The following ZNF385B variants were observed in gnomAD, a reference collection of about 807,000 sequenced individuals.
ZNF385B encodes the protein zinc finger protein 385B, also known as zinc finger protein 533.
ZNF385B carries 23 observed loss-of-function variants against 39.2 expected under a neutral mutation model. That is an observed-to-expected ratio of 0.59 (90% CI 0.42 to 0.83). The LOEUF is 0.83. Among genes scored for constraint, ZNF385B ranks in the 40% least tolerant of loss-of-function variants. The pLI is 0.00. For missense variants in ZNF385B, 552 were observed against 598.9 expected (o/e 0.92, Z 0.82); for synonymous variants, 205 against 222.6 (o/e 0.92, Z 0.70).
Position 179,795,552 on chromosome 2 carries a change from C to T in ZNF385B, c.-154-24880G>A, listed in dbSNP as rs143439903. Among the ~76,000 whole-genome samples the T allele has an allele frequency of 8.2e-4, 124 of 152,120 alleles. 1 individual carries two copies. The highest frequency in any genetic ancestry group is 2.8e-3 in the African/African-American group (117 of 41,512). ...TACAAAGAGATAGCCATAGCTTCTC[C>T]CTCATAAATTATAAATAATGTAAAG... is the stretch of plus-strand genomic sequence containing the variant. On this transcript the variant is annotated intron_variant, in intron 1 of 9. Transcript: ENST00000410066.
At chr2:179,726,702 T>G (rs1334058308) in intron 3 of ZNF385B, among the ~76,000 whole-genome samples, 1 of 152,018 alleles carries the variant, frequency 6.6e-6, no homozygotes, top group Non-Finnish European at 1.5e-5. Flanking sequence ...AGTCAAAAAA[T>G]TGTGGGCTAC....
chr2:179,824,046 A>C (rs1452758520), intron 1 of ZNF385B, among the ~76,000 whole-genome samples: 2 of 152,132 alleles, frequency 1.3e-5, no homozygotes, highest in Non-Finnish European at 2.9e-5. Context: ...TGAAGATCTT[A>C]GATGCTGTAT....
At position 179,443,451 on chromosome 2, in the gene ZNF385B, C is replaced by T. The variant is rs759737680; in HGVS notation, c.1260G>A (p.Gln420=). 1.2e-6 allele frequency: 2 copies of T among 1,603,128 alleles called. No individual in the cohort carries two copies. Among genetic ancestry groups the T allele is most frequent in the South Asian group, 2.2e-5 (2 of 89,250 alleles). Residue 420 remains glutamine (Q), a synonymous_variant, in exon 10 of 10, where the codon CAG becomes CAA. Transcript: ENST00000410066. ...GGGCCAAAGGCTTCATCATATCTTT[C>T]TGGAATGCAAGTTTTGCCTAAGGGA... ...PSILAAKLAF[Q]KDMMKPLAPA...
intron 3 of ZNF385B, among the ~76,000 whole-genome samples, chr2:179,569,599 G>A (rs1260922203): frequency 6.6e-6 from 1 of 152,174 alleles, no homozygotes; most frequent in African/African-American, 2.4e-5. Flanking sequence ...ATGTATTTGT[G>A]AGCATATTCC....
Position 179,478,790 on chromosome 2 carries a change from A to G in ZNF385B, c.715+4482T>C, listed in dbSNP as rs191378609. Among the ~76,000 whole-genome samples, 8 of 152,332 alleles carry G rather than the reference A, an allele frequency of 5.3e-5. No homozygotes were observed. The East Asian group carries it at 1.3e-3, about 26-fold the overall frequency. On this transcript the variant is annotated intron_variant, in intron 6 of 9. Coordinates refer to ENST00000410066, the MANE Select transcript of ZNF385B (RefSeq NM_152520.6). ...CATAACATTTTATTATTTTTAAGAA[A>G]CAGGATTTTTCTGGAGGCTCTGTAT...
chr2:179,796,105 T>C (rs563804667), intron 1 of ZNF385B: 1 of 152,274 alleles, frequency 6.6e-6, no homozygotes, highest in Non-Finnish European at 1.5e-5. Context: ...GAGCATGTAC[T>C]CTTATACCAA....
chr2:179,786,852 T>C (rs986659730), intron 1 of ZNF385B, among the ~76,000 whole-genome samples: 17 of 152,092 alleles, frequency 1.1e-4, no homozygotes, highest in African/African-American at 3.9e-4. Flanking sequence ...GCCAATTTGA[T>C]CTCTAGATTA....
intron 1 of ZNF385B, among the ~76,000 whole-genome samples, chr2:179,841,924 C>T (rs1708556161): frequency 6.6e-6 from 1 of 152,268 alleles, no homozygotes; most frequent in Middle Eastern, 3.4e-3. Context: ...CAAAATGACA[C>T]ACTCCCCACA....
At chr2:179,739,528 T>C (rs994308573) in intron 3 of ZNF385B, among the ~76,000 whole-genome samples, 4 of 152,214 alleles carry the variant, frequency 2.6e-5, no homozygotes, top group Admixed American at 2.6e-4. Flanking sequence ...CTATCGTGTT[T>C]TCAGGGTGTT....
At chr2:179,484,069 A>G (rs1001606270) in intron 5 of ZNF385B, among the ~76,000 whole-genome samples, 1 of 152,216 alleles carries the variant, frequency 6.6e-6, no homozygotes, top group Admixed American at 6.5e-5. Context: ...TGTGATTCTG[A>G]AGCCTAAGTT....
At chr2:179,611,831 C>G (rs2106134737) in intron 3 of ZNF385B, among the ~76,000 whole-genome samples, 1 of 152,076 alleles carries the variant, frequency 6.6e-6, no homozygotes, top group East Asian at 1.9e-4. Context: ...CTGATAGTAG[C>G]CTCTAATGAT....
chr2:179,600,839 C>A (rs1688354281), intron 3 of ZNF385B, among the ~76,000 whole-genome samples: 1 of 152,030 alleles, frequency 6.6e-6, no homozygotes, highest in African/African-American at 2.4e-5. Context: ...AAAGAAAGTT[C>A]CCAGAATTAT....
intron 1 of ZNF385B, among the ~76,000 whole-genome samples, chr2:179,818,165 A>T (rs772799201): frequency 3.9e-5 from 6 of 152,122 alleles, no homozygotes; most frequent in Non-Finnish European, 7.4e-5. Flanking sequence ...GGAACTAGAG[A>T]GACTTTTTAT....
At chr2:179,646,661 T>G (rs1385049997) in intron 3 of ZNF385B, among the ~76,000 whole-genome samples, 2 of 152,298 alleles carry the variant, frequency 1.3e-5, no homozygotes, top group Middle Eastern at 3.4e-3. Context: ...CTTTATTTGG[T>G]GTAATGAAAG....
At chr2:179,760,855 T>C (rs968018678) in intron 3 of ZNF385B, among the ~76,000 whole-genome samples, 1 of 152,158 alleles carries the variant, frequency 6.6e-6, no homozygotes, top group African/African-American at 2.4e-5. Context: ...CCACCAGAAG[T>C]TTTAAATTTT....
intron 3 of ZNF385B, among the ~76,000 whole-genome samples, chr2:179,680,171 A>G (rs763548098): frequency 6.6e-6 from 1 of 152,214 alleles, no homozygotes; most frequent in Non-Finnish European, 1.5e-5. Flanking sequence ...TCATGTGATC[A>G]TCTCAAGAAA....
chr2:179,483,301 G>C lies in ZNF385B; in HGVS notation c.686C>G (p.Pro229Arg). The change falls in exon 6 of 10, where the codon CCA (proline) becomes CGA (arginine). Residue 229 changes from proline (P) to arginine (R), a missense_variant. Physicochemically the swap from Pro to Arg is moderately radical, Grantham distance 103. Coordinates refer to ENST00000410066, the MANE Select transcript of ZNF385B (RefSeq NM_152520.6). ...AKANPSCSIT[P>R]ITGNNSDKSE... ...TTTGTCAGAGTTGTTGCCTGTGATT[G>C]GAGTGATGGAGCAGCTGGGATTAGC... is the stretch of plus-strand genomic sequence containing the variant. 1 of 1,613,948 alleles carries C rather than the reference G, an allele frequency of 6.2e-7. No individual in the cohort carries two copies. The highest frequency in any genetic ancestry group is 8.5e-7 in the Non-Finnish European group (1 of 1,179,920).
intron 5 of ZNF385B, among the ~76,000 whole-genome samples, chr2:179,489,076 A>C (rs2054924836): frequency 6.6e-6 from 1 of 152,176 alleles, no homozygotes; most frequent in Non-Finnish European, 1.5e-5. Flanking sequence ...ATCTCTTCAG[A>C]TTGAGGAAAT....
chr2:179,503,076 T>C (rs2056912583), intron 5 of ZNF385B, among the ~76,000 whole-genome samples: 2 of 152,132 alleles, frequency 1.3e-5, no homozygotes, highest in African/African-American at 2.4e-5. Context: ...GGTTTTACCA[T>C]GTTGCCTAGG....
Sources: allele counts gnomAD v4.1 joint callset (sites outside exome capture counted in the v4.1 genomes callset), GRCh38; gene constraint gnomAD v4.1.1; transcripts MANE v1.5; gene names NCBI Gene and HGNC (gene_info 2026-07-23, HGNC 2026-07-21).